The following TMEM135 variants were observed in gnomAD, a reference collection of about 807,000 sequenced individuals.
The protein encoded by TMEM135 is peroxisomal membrane protein 52.
Under a neutral mutation model 60.3 loss-of-function variants are expected in TMEM135, and 30 were observed. The observed-to-expected ratio is 0.50, with a 90% CI of 0.37 to 0.68. TMEM135 has a LOEUF of 0.68. TMEM135 is among the 30% of genes least tolerant of loss of function. The pLI is 0.00. For missense variants in TMEM135, 468 were observed against 548.8 expected, an observed-to-expected ratio of 0.85 and a Z score of 1.47; for synonymous variants, 190 against 186.7, an observed-to-expected ratio of 1.02 and a Z score of -0.14.
At chr11:87,119,890 A>G (rs1212237681) in intron 4 of TMEM135, among the ~76,000 whole-genome samples, 1 of 152,134 alleles carries the variant, frequency 6.6e-6, no homozygotes, top group Non-Finnish European at 1.5e-5. Context: ...TTTTTTAAAA[A>G]AAAAAAAACA....
chr11:87,140,553 A>G (rs912199591), intron 4 of TMEM135, among the ~76,000 whole-genome samples: 4 of 152,198 alleles, frequency 2.6e-5, no homozygotes, highest in African/African-American at 4.8e-5. Flanking sequence ...GGGAATATGT[A>G]TGGGGGACAG....
At chr11:87,291,515 ATTTTTTTTTTTTTTTT>A (rs869273724) in intron 6 of TMEM135, among the ~76,000 whole-genome samples, 26 of 50,574 alleles carry the variant, frequency 5.1e-4, no homozygotes, top group East Asian at 2.2e-3. Flanking sequence ...CAGCCAAGTG[ATTTTTTTTTTTTTTTT>A]TTTTTTTTTT....
chr11:87,054,033 ACATAT>A (rs1462399745), intron 1 of TMEM135, among the ~76,000 whole-genome samples: 2 of 152,234 alleles, frequency 1.3e-5, no homozygotes, highest in African/African-American at 4.8e-5. Flanking sequence ...AATTGTTCTT[ACATAT>A]CATATGTGAG....
chr11:87,291,336 A>G (rs1449227884), intron 6 of TMEM135, among the ~76,000 whole-genome samples: 1 of 152,026 alleles, frequency 6.6e-6, no homozygotes, highest in Admixed American at 6.6e-5. Context: ...AAATTATTTC[A>G]GTAATTTGTA....
At chr11:87,131,911 C>T (rs551031486) in intron 4 of TMEM135, among the ~76,000 whole-genome samples, 3 of 152,114 alleles carry the variant, frequency 2.0e-5, no homozygotes, top group South Asian at 2.1e-4. Flanking sequence ...TCAGTGACAG[C>T]GTTAGGTTCT....
chr11:87,096,766 A>G (rs1208885598), intron 4 of TMEM135, among the ~76,000 whole-genome samples: 1 of 152,232 alleles, frequency 6.6e-6, no homozygotes, highest in Non-Finnish European at 1.5e-5. Context: ...GGCTTTGATA[A>G]GAGTCAGATC....
rs1287211802 is a variant in TMEM135 at position 87,321,912 on chromosome 11, T to A, written c.*579T>A. On this transcript the variant is annotated 3_prime_UTR_variant, in exon 15 of 15. Coordinates refer to ENST00000305494, the MANE Select transcript of TMEM135 (RefSeq NM_022918.4). ...CTTACTTCAGGGATGCAAAGATGGG[T>A]CTCATACCATTTGGATAAATGTCGT... 2.2e-6 allele frequency: 1 copy of A among 454,406 alleles called. No homozygotes were observed. Among genetic ancestry groups the A allele is most frequent in the Non-Finnish European group, 4.4e-6 (1 of 226,734 alleles). 28.1% of individuals were successfully genotyped at this position (454,406 alleles called of 1,614,324 possible). A position where few individuals can be genotyped will look rare whatever the true frequency, so the allele number is the denominator to read the frequency against.
rs529321432 is a variant in TMEM135 at position 87,090,644 on chromosome 11, A to G, written c.363-718A>G. Among the ~76,000 whole-genome samples, 11 of 152,232 alleles carry G rather than the reference A, an allele frequency of 7.2e-5. 1 individual carries two copies. The South Asian group carries it at 2.3e-3, about 32-fold the overall frequency. On this transcript the variant is annotated intron_variant, in intron 3 of 14. Transcript: ENST00000305494. ...ACCTATTGAAGACATTTCCTAGAGA[A>G]TAGAATGTGCTTCATTCATTTCTCA... is the stretch of plus-strand genomic sequence containing the variant.
chr11:87,089,228 C>T (rs748261943), intron 3 of TMEM135, among the ~76,000 whole-genome samples: 1 of 152,192 alleles, frequency 6.6e-6, no homozygotes, highest in Non-Finnish European at 1.5e-5. Context: ...AGCTTTAGCT[C>T]ATTTCACCTT....
At chr11:87,234,023 ATGT>A (rs1470117826) in intron 5 of TMEM135, among the ~76,000 whole-genome samples, 1 of 152,120 alleles carries the variant, frequency 6.6e-6, no homozygotes, top group Admixed American at 6.6e-5. Context: ...TAAAAATGAA[ATGT>A]TGTTTTTAGC....
chr11:87,259,692 C>T (rs759149554), intron 6 of TMEM135, among the ~76,000 whole-genome samples: 6 of 152,160 alleles, frequency 3.9e-5, no homozygotes, highest in Non-Finnish European at 8.8e-5. Flanking sequence ...AGAATATTTT[C>T]CCACCATTAT....
At chr11:87,291,558 G>A (rs1447272027) in intron 6 of TMEM135, among the ~76,000 whole-genome samples, 1 of 81,304 alleles carries the variant, frequency 1.2e-5, no homozygotes, top group Non-Finnish European at 2.2e-5. Flanking sequence ...TTGAGACAGA[G>A]TCTCACTCTG....
At chr11:87,252,439 A>G (rs1370689614) in intron 6 of TMEM135, among the ~76,000 whole-genome samples, 1 of 152,202 alleles carries the variant, frequency 6.6e-6, no homozygotes, top group Non-Finnish European at 1.5e-5. Flanking sequence ...GGCTTTCTAA[A>G]TACATGGTCT....
At chr11:87,087,561 C>G (rs1857122276) in intron 3 of TMEM135, among the ~76,000 whole-genome samples, 1 of 152,176 alleles carries the variant, frequency 6.6e-6, no homozygotes, top group South Asian at 2.1e-4. Context: ...TTACTTCTTT[C>G]TCTCCAGTCC....
At position 87,322,449 on chromosome 11, in the gene TMEM135, TC is replaced by T. The variant is rs1277907353; in HGVS notation, c.*1118del. ...AGAATAAAGAGGTGACACCATAAAG[TC>T]CTGCTGATAATGAGAGTAGTTCAGG... On this transcript the variant is annotated 3_prime_UTR_variant, in exon 15 of 15. Transcript: ENST00000305494. 1 of 453,984 alleles carries T rather than the reference TC, an allele frequency of 2.2e-6. No homozygotes were observed. The highest frequency in any genetic ancestry group is 2.3e-5 in the Admixed American group (1 of 42,554). The allele number at this position is 453,984 out of a possible 1,614,324, so 28.1% of individuals were successfully genotyped here. A position where few individuals can be genotyped will look rare whatever the true frequency, so the allele number is the denominator to read the frequency against.
At chr11:87,188,220 C>G (rs1939700979) in intron 5 of TMEM135, among the ~76,000 whole-genome samples, 2 of 152,092 alleles carry the variant, frequency 1.3e-5, no homozygotes, top group Admixed American at 1.3e-4. Context: ...CGCCACCCCT[C>G]AATCTCATAC....
At chr11:87,247,272 G>A (rs1941302632) in intron 6 of TMEM135, among the ~76,000 whole-genome samples, 1 of 152,208 alleles carries the variant, frequency 6.6e-6, no homozygotes, top group Non-Finnish European at 1.5e-5. Context: ...ACTGGGGGAT[G>A]TTTCCCAGTT....
At chr11:87,264,551 A>C (rs1591151999) in intron 6 of TMEM135, among the ~76,000 whole-genome samples, 2 of 151,948 alleles carry the variant, frequency 1.3e-5, no homozygotes, top group South Asian at 4.1e-4. Flanking sequence ...ATCGCTCCTG[A>C]TCTTTTATCA....
At chr11:87,253,287 T>C (rs1334935340) in intron 6 of TMEM135, among the ~76,000 whole-genome samples, 1 of 152,102 alleles carries the variant, frequency 6.6e-6, no homozygotes, top group African/African-American at 2.4e-5. Context: ...AGAGAAATAT[T>C]GTATGGAGAA....
Sources: gnomAD v4.1 joint callset for allele counts (sites outside exome capture counted in the v4.1 genomes callset) on GRCh38, gnomAD v4.1.1 for gene constraint, MANE v1.5 for transcripts, NCBI Gene and HGNC (gene_info 2026-07-23, HGNC 2026-07-21) for gene names.